Variants in SMARCA5 observed in about 807,000 individuals in gnomAD.
The protein encoded by SMARCA5 is SNF2 related chromatin remodeling ATPase 5, also known as SWI/SNF-related matrix-associated actin-dependent regulator of chromatin subfamily A member 5.
In SMARCA5, 18 loss-of-function variants were observed where a neutral mutation model predicts 140.4. That is an observed-to-expected ratio of 0.13 (90% CI 0.09 to 0.19). The LOEUF (loss-of-function observed/expected upper bound fraction) is 0.19. Among genes scored for constraint, SMARCA5 ranks in the 10% least tolerant of loss-of-function variants. The pLI, the probability that SMARCA5 is intolerant of heterozygous loss-of-function variation, is 1.00. For missense variants in SMARCA5, 606 were observed against 1,276.8 expected (o/e 0.47, Z 8.01); for synonymous variants, 449 against 419.6 (o/e 1.07, Z -0.86).
chr4:143,524,668 A>G (rs1737031329), intron 4 of SMARCA5, among the ~76,000 whole-genome samples: 1 of 152,200 alleles, frequency 6.6e-6, no homozygotes, highest in Admixed American at 6.5e-5. Flanking sequence ...AAAGTTATAT[A>G]AAATGTCATT....
At chr4:143,551,447 C>A (rs1737638071) in intron 23 of SMARCA5, among the ~76,000 whole-genome samples, 2 of 151,994 alleles carry the variant, frequency 1.3e-5, no homozygotes, top group Admixed American at 1.3e-4. Context: ...GCTTTGGTTG[C>A]CTGTGGGGTA....
At chr4:143,533,106 C>A (rs1019078784) in intron 9 of SMARCA5, among the ~76,000 whole-genome samples, 1 of 152,102 alleles carries the variant, frequency 6.6e-6, no homozygotes, top group Non-Finnish European at 1.5e-5. Flanking sequence ...ACTTACTGTT[C>A]TATGAAAATG....
intron 5 of SMARCA5, among the ~76,000 whole-genome samples, 185 bp downstream of exon 5, chr4:143,525,736 A>C (rs1737055069): frequency 6.6e-6 from 1 of 152,208 alleles, no homozygotes; most frequent in Non-Finnish European, 1.5e-5. Context: ...CATCGCTGAA[A>C]ATATGATAAA....
chr4:143,541,471 A>G (rs968093914), intron 14 of SMARCA5, among the ~76,000 whole-genome samples: 18 of 152,212 alleles, frequency 1.2e-4, no homozygotes, highest in African/African-American at 3.9e-4. Context: ...CCTGAAGACA[A>G]TAAATTATTG....
intron 1 of SMARCA5, among the ~76,000 whole-genome samples, chr4:143,514,812 A>T (rs1185486251): frequency 2.0e-5 from 3 of 152,126 alleles, no homozygotes; most frequent in Admixed American, 6.5e-5. Context: ...TTAGAGAACC[A>T]GGCGCAGTTG....
At position 143,548,086 on chromosome 4, in the gene SMARCA5, T is replaced by C; in HGVS notation, c.2931T>C (p.Ile977=). ...ENVYDELRQC[I]RNSPQFRFDW... The stretch of plus-strand genomic sequence containing the variant: ...TTTATGATGAATTGCGACAGTGTAT[T>C]CGCAACTCTCCTCAGTTCAGATTTG... The change falls in exon 22 of 24, where the codon ATT becomes ATC. Residue 977 remains isoleucine (I), a synonymous_variant. Coordinates refer to ENST00000283131, the MANE Select transcript of SMARCA5 (RefSeq NM_003601.4). 6.2e-7 allele frequency: 1 copy of C among 1,613,018 alleles called. No individual in the cohort carries two copies. Among genetic ancestry groups the C allele is most frequent in the Non-Finnish European group, 8.5e-7 (1 of 1,179,266 alleles).
chr4:143,546,132 C>A, intron 19 of SMARCA5, 85 bp downstream of exon 19: 2 of 1,004,862 alleles, frequency 2.0e-6, no homozygotes, highest in South Asian at 2.2e-5. Context: ...AAAATAAATA[C>A]AAGTTTCTGC....
Position 143,538,958 on chromosome 4 carries a change from T to C in SMARCA5, c.1770+20T>C, listed in dbSNP as rs1272167440. ...GCTATGGTAAGAGATAACGAATAAA[T>C]ATATTCTGTGCTTAGTAGATGGCGT... On this transcript the variant is annotated intron_variant, in intron 13 of 23. Coordinates refer to ENST00000283131, the MANE Select transcript of SMARCA5 (RefSeq NM_003601.4). The C allele has an allele frequency of 1.2e-6, 2 of 1,608,460 alleles. No individual in the cohort carries two copies. The highest frequency in any genetic ancestry group is 1.7e-6 in the Non-Finnish European group (2 of 1,176,026).
At chr4:143,523,849 CT>C (rs997409986) in intron 3 of SMARCA5, among the ~76,000 whole-genome samples, 18 of 152,100 alleles carry the variant, frequency 1.2e-4, no homozygotes, top group African/African-American at 4.3e-4. Flanking sequence ...AGTATTAAAA[CT>C]TTAGAAAATC....
chr4:143,548,207 T>C (rs930523019), intron 22 of SMARCA5, 67 bp downstream of exon 22: 2 of 912,766 alleles, frequency 2.2e-6, no homozygotes, highest in African/African-American at 3.3e-5. Flanking sequence ...TTGGTATTCT[T>C]TAAGGTGACT....
intron 9 of SMARCA5, among the ~76,000 whole-genome samples, chr4:143,534,191 A>G (rs367955974): frequency 6.6e-6 from 1 of 152,256 alleles, no homozygotes; most frequent in East Asian, 1.9e-4. Flanking sequence ...TGCACACTTA[A>G]TAGTGTAAAT....
intron 9 of SMARCA5, among the ~76,000 whole-genome samples, chr4:143,534,249 T>G (rs1737257769): frequency 6.6e-6 from 1 of 152,142 alleles, no homozygotes; most frequent in Non-Finnish European, 1.5e-5. Flanking sequence ...ATTGAGGTAG[T>G]CTGGAACTGA....
chr4:143,554,699 C>T lies in SMARCA5; in HGVS notation c.*1515C>T, dbSNP rs2149826772. 6.3e-6 allele frequency: 1 copy of T among 158,636 alleles called. No individual in the cohort carries two copies. The highest frequency in any genetic ancestry group is 1.9e-4 in the South Asian group (1 of 5,350). 9.8% of individuals were successfully genotyped at this position (158,636 alleles called of 1,614,324 possible). A position where few individuals can be genotyped will look rare whatever the true frequency, so the allele number is the denominator to read the frequency against. ...TGTTAGATTCTTAACAGTTAAAGGTCTAATACATGCATGAGGAATGGTTAC... is the reference window on the plus strand; with the variant it reads ...TGTTAGATTCTTAACAGTTAAAGGTTTAATACATGCATGAGGAATGGTTAC... On this transcript the variant is annotated 3_prime_UTR_variant, in exon 24 of 24. Coordinates refer to ENST00000283131, the MANE Select transcript of SMARCA5 (RefSeq NM_003601.4).
chr4:143,516,105 G>T (rs1180434505), intron 1 of SMARCA5, among the ~76,000 whole-genome samples: 2 of 149,458 alleles, frequency 1.3e-5, no homozygotes, highest in South Asian at 2.1e-4. Flanking sequence ...AACTTAATCT[G>T]TTTTGCACTT....
intron 1 of SMARCA5, among the ~76,000 whole-genome samples, chr4:143,516,468 G>A (rs1285736013): frequency 6.6e-6 from 1 of 152,022 alleles, no homozygotes; most frequent in Admixed American, 6.6e-5. Flanking sequence ...TGCATTTCAT[G>A]GCATTTTGGA....
At chr4:143,542,341 G>A (rs1379388387) in intron 14 of SMARCA5, among the ~76,000 whole-genome samples, 1 of 152,060 alleles carries the variant, frequency 6.6e-6, no homozygotes, top group Non-Finnish European at 1.5e-5. Context: ...ATACCTTTGT[G>A]TTACTGTTTT....
chr4:143,522,152 A>G (rs1002057509), intron 3 of SMARCA5, among the ~76,000 whole-genome samples: 1 of 152,174 alleles, frequency 6.6e-6, no homozygotes, highest in Non-Finnish European at 1.5e-5. Flanking sequence ...TATTTTATCT[A>G]AAGTGTGGTG....
intron 14 of SMARCA5, among the ~76,000 whole-genome samples, chr4:143,541,878 A>G (rs184873183): frequency 2.1e-3 from 297 of 144,632 alleles, no homozygotes; most frequent in Non-Finnish European, 3.6e-3. Context: ...TTTTTTTGAG[A>G]TGGAGTTTTG....
At chr4:143,552,873 T>A (rs1737671520) in intron 23 of SMARCA5, among the ~76,000 whole-genome samples, 1 of 152,034 alleles carries the variant, frequency 6.6e-6, no homozygotes, top group South Asian at 2.1e-4. Flanking sequence ...CTACTACTGT[T>A]AATTGTGCAT....
Sources: allele counts gnomAD v4.1 joint callset (sites outside exome capture counted in the v4.1 genomes callset), GRCh38; gene constraint gnomAD v4.1.1; transcripts MANE v1.5; gene names NCBI Gene and HGNC (gene_info 2026-07-23, HGNC 2026-07-21).